The following KCNQ3 variants were observed in gnomAD, a reference collection of about 807,000 sequenced individuals.
KCNQ3 encodes potassium voltage-gated channel subfamily KQT member 3.
KCNQ3 carries 30 observed loss-of-function variants against 92.5 expected under a neutral mutation model. The ratio of observed to expected loss-of-function variants is 0.32; its 90% CI spans 0.24 to 0.44. The LOEUF (loss-of-function observed/expected upper bound fraction) is 0.44. Ranked by LOEUF, KCNQ3 falls within the 20% of genes least tolerant of loss-of-function variation. The pLI is 1.00. For missense variants in KCNQ3, 913 were observed against 1,140.3 expected (o/e 0.80, Z 2.87); for synonymous variants, 450 against 468.8 (o/e 0.96, Z 0.52).
At chr8:132,199,813 G>A (rs1586823258) in intron 1 of KCNQ3, among the ~76,000 whole-genome samples, 1 of 151,910 alleles carries the variant, frequency 6.6e-6, no homozygotes, top group Non-Finnish European at 1.5e-5. Context: ...GGGAGGCTGA[G>A]GTAGGAGAAT....
intron 1 of KCNQ3, among the ~76,000 whole-genome samples, chr8:132,376,078 T>C (rs1819599981): frequency 6.6e-6 from 1 of 152,204 alleles, no homozygotes; most frequent in South Asian, 2.1e-4. Context: ...TGTTTTTCTC[T>C]AATTGAACTT....
chr8:132,387,359 C>G (rs569753716), intron 1 of KCNQ3, among the ~76,000 whole-genome samples: 39 of 152,250 alleles, frequency 2.6e-4, no homozygotes, highest in Admixed American at 2.2e-3. Context: ...AGTTTGATGT[C>G]GTTCCCAATT....
At chr8:132,218,164 C>T (rs1814102630) in intron 1 of KCNQ3, among the ~76,000 whole-genome samples, 1 of 152,198 alleles carries the variant, frequency 6.6e-6, no homozygotes, top group African/African-American at 2.4e-5. Flanking sequence ...CTGCTCCATT[C>T]ATGTCAGGTA....
intron 9 of KCNQ3, among the ~76,000 whole-genome samples, chr8:132,161,555 C>A (rs1825989835): frequency 6.6e-6 from 1 of 151,802 alleles, no homozygotes; most frequent in Non-Finnish European, 1.5e-5. Flanking sequence ...TCACTTGAAC[C>A]CAGGAAGCAG....
At chr8:132,188,870 C>T (rs1170977301) in intron 1 of KCNQ3, among the ~76,000 whole-genome samples, 2 of 152,230 alleles carry the variant, frequency 1.3e-5, no homozygotes, top group East Asian at 3.8e-4. Context: ...AGCTATGCTA[C>T]AGTTGACCAT....
At chr8:132,203,512 G>T (rs551540643) in intron 1 of KCNQ3, among the ~76,000 whole-genome samples, 6 of 152,318 alleles carry the variant, frequency 3.9e-5, no homozygotes, top group African/African-American at 1.4e-4. Flanking sequence ...TTACTGGCAG[G>T]CAGTCGTGAC....
At chr8:132,163,587 G>A in intron 8 of KCNQ3, 93 bp from the exon 9 acceptor site, 1 of 1,092,546 alleles carries the variant, frequency 9.2e-7, no homozygotes, top group Non-Finnish European at 1.4e-6. Context: ...TCTCTCTGAA[G>A]ATGATGGAGC....
rs554085455 is a variant in KCNQ3 at position 132,217,943 on chromosome 8, A to G, written c.387-31762T>C. ...GGCCCTGCCAGGCTCCTCGAAAAAC[A>G]GTTTGTTCTCCTAAGGAGGTTAAAT... On this transcript the variant is annotated intron_variant, in intron 1 of 14. Transcript: ENST00000388996. Among the ~76,000 whole-genome samples, 101 of 152,292 alleles carry G rather than the reference A, an allele frequency of 6.6e-4. 1 individual carries two copies. In the South Asian group the frequency reaches 0.02, roughly 31 times the overall value.
intron 10 of KCNQ3, 69 bp from the exon 11 acceptor site, chr8:132,140,247 G>A (rs781752535): frequency 5.6e-5 from 61 of 1,093,388 alleles, no homozygotes; most frequent in South Asian, 3.9e-4. Context: ...CCCACTGTTC[G>A]GTCAAAGCCT....
chr8:132,402,198 T>C (rs908292642), intron 1 of KCNQ3, among the ~76,000 whole-genome samples: 1 of 152,188 alleles, frequency 6.6e-6, no homozygotes, highest in Non-Finnish European at 1.5e-5. Context: ...ACTTCCATCT[T>C]GCTCTTATTT....
At chr8:132,186,030 A>T (rs1826945992) in intron 2 of KCNQ3, 61 bp downstream of exon 2, 3 of 1,290,456 alleles carry the variant, frequency 2.3e-6, no homozygotes, top group South Asian at 2.4e-5. Flanking sequence ...CCCAAGGGCA[A>T]CCTCCTTTTC....
At chr8:132,281,490 G>C (rs1816511080) in intron 1 of KCNQ3, among the ~76,000 whole-genome samples, 1 of 151,640 alleles carries the variant, frequency 6.6e-6, no homozygotes. Context: ...TGGAATATAT[G>C]TATACATGGA....
At position 132,257,798 on chromosome 8, in the gene KCNQ3, T is replaced by C. The variant is rs575528562; in HGVS notation, c.387-71617A>G. Among the ~76,000 whole-genome samples the C allele has an allele frequency of 3.9e-4, 45 of 115,548 alleles. 1 individual carries two copies. The highest frequency in any genetic ancestry group is 4.3e-3 in the Middle Eastern group (1 of 230). The allele number at this position is 115,548 out of a possible 152,430, so 75.8% of individuals were successfully genotyped here. A position where few individuals can be genotyped will look rare whatever the true frequency, so the allele number is the denominator to read the frequency against. On this transcript the variant is annotated intron_variant, in intron 1 of 14. Coordinates refer to ENST00000388996, the MANE Select transcript of KCNQ3 (RefSeq NM_004519.4). ...GAGAGACAGTTTAGATTTAAAAACA[T>C]AAAAAGATTAAATATAAACTATAGA...
At chr8:132,268,672 A>C (rs1220523775) in intron 1 of KCNQ3, among the ~76,000 whole-genome samples, 2 of 152,224 alleles carry the variant, frequency 1.3e-5, no homozygotes, top group Admixed American at 6.5e-5. Flanking sequence ...AACTATTATA[A>C]ATAAAGCTGC....
chr8:132,468,775 A>G (rs1158901347), intron 1 of KCNQ3, among the ~76,000 whole-genome samples: 1 of 152,202 alleles, frequency 6.6e-6, no homozygotes, highest in Non-Finnish European at 1.5e-5. Flanking sequence ...CCCAGCCCTG[A>G]GGTCTGAATT....
intron 1 of KCNQ3, among the ~76,000 whole-genome samples, chr8:132,456,071 T>G (rs1821931582): frequency 6.6e-6 from 1 of 152,292 alleles, no homozygotes; most frequent in South Asian, 2.1e-4. Flanking sequence ...ATTCTCATTT[T>G]ATAGATGAGG....
intron 1 of KCNQ3, among the ~76,000 whole-genome samples, chr8:132,300,563 C>T (rs1195589208): frequency 6.6e-6 from 1 of 152,134 alleles, no homozygotes; most frequent in Non-Finnish European, 1.5e-5. Context: ...CTGTGGGACA[C>T]ATCAGTGTGT....
At chr8:132,200,325 G>A (rs528600251) in intron 1 of KCNQ3, among the ~76,000 whole-genome samples, 1 of 151,442 alleles carries the variant, frequency 6.6e-6, no homozygotes, top group Admixed American at 6.6e-5. Context: ...TTTAATTATT[G>A]TCTATGGTTG....
intron 1 of KCNQ3, among the ~76,000 whole-genome samples, chr8:132,278,629 C>T (rs1221528948): frequency 6.6e-6 from 1 of 152,242 alleles, no homozygotes; most frequent in Non-Finnish European, 1.5e-5. Context: ...CTTCTTACTA[C>T]TCCAAGTGTG....
Sources: allele counts gnomAD v4.1 joint callset (sites outside exome capture counted in the v4.1 genomes callset), GRCh38; gene constraint gnomAD v4.1.1; transcripts MANE v1.5; gene names NCBI Gene and HGNC (gene_info 2026-07-23, HGNC 2026-07-21).